DDX60L: variants seen among roughly 807,000 people sequenced by gnomAD.
DDX60L encodes the protein probable ATP-dependent RNA helicase DDX60-like.
Under a neutral mutation model 211.6 loss-of-function variants are expected in DDX60L, and 191 were observed. The ratio of observed to expected loss-of-function variants is 0.90; its 90% CI spans 0.80 to 1.02. DDX60L has a LOEUF of 1.02. DDX60L is among the 50% of genes least tolerant of loss of function. The pLI is 0.00. For missense variants in DDX60L, 2,007 were observed against 1,984.1 expected (o/e 1.01, Z -0.22); for synonymous variants, 706 against 694.1 (o/e 1.02, Z -0.27).
At chr4:168,467,869 T>C (rs1758221710) in intron 4 of DDX60L, among the ~76,000 whole-genome samples, 1 of 152,030 alleles carries the variant, frequency 6.6e-6, no homozygotes, top group Non-Finnish European at 1.5e-5. Context: ...ACGAAGGCAT[T>C]ATAAAAAATA....
intron 8 of DDX60L, among the ~76,000 whole-genome samples, chr4:168,449,682 T>TAAAAAAAAAAAAAAA (rs1755510939): frequency 1.3e-5 from 1 of 78,420 alleles, no homozygotes; most frequent in Non-Finnish European, 2.7e-5. Context: ...AGAAAAAAAT[T>TAAAAAAAAAAAAAAA]ACTAAATGAT....
intron 35 of DDX60L, 72 bp downstream of exon 35, chr4:168,373,594 A>C: frequency 6.7e-7 from 1 of 1,482,824 alleles, no homozygotes; most frequent in Non-Finnish European, 9.2e-7. Flanking sequence ...GGTCCTATCA[A>C]GGCTTCACAG....
chr4:168,383,369 GGGA>G (rs1273335783), intron 30 of DDX60L, among the ~76,000 whole-genome samples: 1 of 152,194 alleles, frequency 6.6e-6, no homozygotes, highest in Non-Finnish European at 1.5e-5. Flanking sequence ...ACAGCTGTCT[GGGA>G]CAGACACACT....
At chr4:168,372,993 C>A (rs978569297) in intron 35 of DDX60L, among the ~76,000 whole-genome samples, 3 of 152,068 alleles carry the variant, frequency 2.0e-5, no homozygotes, top group African/African-American at 7.2e-5. Flanking sequence ...GCATTAGCAG[C>A]TATTAAAATT....
chr4:168,421,450 A>G (rs1440894067), intron 17 of DDX60L, among the ~76,000 whole-genome samples: 3 of 152,130 alleles, frequency 2.0e-5, no homozygotes, highest in African/African-American at 7.2e-5. Context: ...ACCTGAGGTG[A>G]TCAAGACCAG....
At chr4:168,441,857 T>C (rs1579667680) in intron 9 of DDX60L, among the ~76,000 whole-genome samples, 1 of 152,158 alleles carries the variant, frequency 6.6e-6, no homozygotes, top group South Asian at 2.1e-4. Context: ...ATTTTAATCA[T>C]AGTCCTTATT....
In DDX60L at chr4:168,407,280, C is replaced by T. The variant is rs189134772; in HGVS notation, c.2980-574G>A. On this transcript the variant is annotated intron_variant, in intron 22 of 37. Coordinates refer to ENST00000682922, the MANE Select transcript of DDX60L (RefSeq NM_001012967.3). ...AAAGAAATTTCTACCTGATGGTTAC[C>T]CTGGTTACTGATCAGCTTCCGTCTG... 1.6e-4 allele frequency among the ~76,000 whole-genome samples: 25 copies of T among 152,204 alleles called. No individual in the cohort carries two copies. In the East Asian group the frequency reaches 4.6e-3, roughly 28 times the overall value.
At chr4:168,390,681 C>A (rs185024155) in intron 29 of DDX60L, among the ~76,000 whole-genome samples, 80 of 150,384 alleles carry the variant, frequency 5.3e-4, no homozygotes, top group Middle Eastern at 3.4e-3. Context: ...GATTTTTCTT[C>A]CCTTTGACTT....
intron 4 of DDX60L, among the ~76,000 whole-genome samples, chr4:168,463,378 A>T (rs1006205378): frequency 1.3e-5 from 2 of 152,228 alleles, no homozygotes; most frequent in Non-Finnish European, 2.9e-5. Context: ...AGTGGGAGCT[A>T]AATGATGAGA....
At chr4:168,452,117 C>T (rs535670997) in intron 8 of DDX60L, among the ~76,000 whole-genome samples, 2 of 152,292 alleles carry the variant, frequency 1.3e-5, no homozygotes, top group East Asian at 3.9e-4. Flanking sequence ...GTATTTTTCT[C>T]CACTCCTTCC....
intron 29 of DDX60L, chr4:168,390,324 A>T (rs1464088511): frequency 1.7e-5 from 20 of 1,155,306 alleles, no homozygotes; most frequent in Non-Finnish European, 2.1e-5. Context: ...AAAGAGAAAG[A>T]CTGAAAAATT....
intron 36 of DDX60L, among the ~76,000 whole-genome samples, chr4:168,370,698 T>C (rs944418713): frequency 6.6e-6 from 1 of 152,194 alleles, no homozygotes; most frequent in Non-Finnish European, 1.5e-5. Flanking sequence ...GTATCCTATA[T>C]ATATGTGCAG....
chr4:168,433,165 T>G (rs772654016), intron 10 of DDX60L, 50 bp from the exon 11 acceptor site: 1 of 1,220,220 alleles, frequency 8.2e-7, no homozygotes, highest in African/African-American at 1.5e-5. Flanking sequence ...AACTATCCTA[T>G]ATGAATTTTG....
chr4:168,473,535 G>A (rs1487609105), intron 1 of DDX60L, among the ~76,000 whole-genome samples: 1 of 152,206 alleles, frequency 6.6e-6, no homozygotes, highest in Non-Finnish European at 1.5e-5. Context: ...GAGAGTTGGG[G>A]AGTGTCACAG....
intron 22 of DDX60L, among the ~76,000 whole-genome samples, chr4:168,412,511 G>GA (rs34366959): frequency 6.7e-5 from 10 of 150,116 alleles, no homozygotes; most frequent in Middle Eastern, 3.2e-3. Context: ...CTACTTGTGG[G>GA]AAAAAAAAAG....
intron 1 of DDX60L, among the ~76,000 whole-genome samples, chr4:168,473,229 A>G (rs1427700338): frequency 6.6e-6 from 1 of 152,210 alleles, no homozygotes; most frequent in African/African-American, 2.4e-5. Flanking sequence ...GCAGTCTTTT[A>G]AGGAATTTTA....
At position 168,461,750 on chromosome 4, in the gene DDX60L, A is replaced by C. The variant is rs781574217; in HGVS notation, c.555T>G (p.Phe185Leu). The C allele has an allele frequency of 6.2e-7, 1 of 1,600,942 alleles. No individual in the cohort carries two copies. Among genetic ancestry groups the C allele is most frequent in the South Asian group, 1.1e-5 (1 of 89,046 alleles). Residue 185 changes from phenylalanine (F) to leucine (L), a missense_variant, in exon 5 of 38, where the codon TTT becomes TTG. Phe to Leu is a conservative substitution (Grantham distance 22). Transcript: ENST00000682922. ...CTGTGCTTTCCATAGTATATGCATA[A>C]AATCTGAGAGTATCAGATTCATGCC... ...SSGHESDTLR[F>L]YAYTMESTDR... is the part of the protein sequence containing the mutation.
intron 13 of DDX60L, among the ~76,000 whole-genome samples, chr4:168,427,688 C>T (rs1751683190): frequency 6.6e-6 from 1 of 152,182 alleles, no homozygotes; most frequent in African/African-American, 2.4e-5. Flanking sequence ...TCATTCTCCA[C>T]CCCACAAAGC....
In DDX60L at chr4:168,464,983, T is replaced by C. The variant is rs981628545; in HGVS notation, c.265-2943A>G. ...CAGGACAGCAGATATCTCTTTAACA[T>C]ACTGATTTCCTATCCTTTGAATATA... On this transcript the variant is annotated intron_variant, in intron 4 of 37. Transcript: ENST00000682922. 3.9e-5 allele frequency among the ~76,000 whole-genome samples: 6 copies of C among 152,254 alleles called. No individual in the cohort carries two copies. The East Asian group carries it at 1.2e-3, about 29-fold the overall frequency.
Sources: gnomAD v4.1 joint callset for allele counts (sites outside exome capture counted in the v4.1 genomes callset) on GRCh38, gnomAD v4.1.1 for gene constraint, MANE v1.5 for transcripts, NCBI Gene and HGNC (gene_info 2026-07-23, HGNC 2026-07-21) for gene names.